Variants in CSTPP1 observed in about 807,000 individuals in gnomAD.
CSTPP1 encodes the protein UPF0705 protein C11orf49.
the CSTPP1 span, chr11:47,160,111 G>A: frequency 5.7e-6 from 1 of 176,128 alleles, no homozygotes; most frequent in Non-Finnish European, 1.2e-5. Context: ...TGACCAGCCT[G>A]GGCAATATAG....
the CSTPP1 span, chr11:47,041,189 C>A: frequency 4.9e-6 from 1 of 203,684 alleles, no homozygotes; most frequent in South Asian, 4.9e-5. Flanking sequence ...TTGTGTCAGG[C>A]CTCACATATC....
chr11:47,061,728 C>T, the CSTPP1 span, among the ~76,000 whole-genome samples: 1 of 152,180 alleles, frequency 6.6e-6, no homozygotes, highest in Non-Finnish European at 1.5e-5. Context: ...AGACAATCAA[C>T]AAGAATTTCA....
chr11:47,106,795 TAACCAAGACTAGG>T, the CSTPP1 span, among the ~76,000 whole-genome samples: 6 of 152,210 alleles, frequency 3.9e-5, no homozygotes, highest in East Asian at 1.2e-3. Flanking sequence ...GCCACCAAGG[TAACCAAGACTAGG>T]AAGCAATTGA....
At chr11:47,134,163 T>C in the CSTPP1 span, among the ~76,000 whole-genome samples, 1 of 152,166 alleles carries the variant, frequency 6.6e-6, no homozygotes, top group Admixed American at 6.5e-5. Context: ...TAAGGTAGTA[T>C]GCTGTGAAGG....
the CSTPP1 span, among the ~76,000 whole-genome samples, chr11:47,061,540 C>T: frequency 1.3e-5 from 2 of 152,206 alleles, no homozygotes; most frequent in Admixed American, 1.3e-4. Flanking sequence ...CGCTTTACTA[C>T]AGGAGTGGGT....
the CSTPP1 span, among the ~76,000 whole-genome samples, chr11:46,993,271 G>A: frequency 6.6e-6 from 1 of 151,362 alleles, no homozygotes; most frequent in Non-Finnish European, 1.5e-5. Context: ...TTTGGCTTTT[G>A]TTGCCATTGC....
the CSTPP1 span, among the ~76,000 whole-genome samples, chr11:47,048,688 GTGT>G: frequency 3.3e-5 from 5 of 152,114 alleles, no homozygotes; most frequent in South Asian, 2.1e-4. Flanking sequence ...GCAGAAGGGG[GTGT>G]TGTTGTTTAA....
At chr11:47,063,470 A>G in the CSTPP1 span, among the ~76,000 whole-genome samples, 1 of 152,162 alleles carries the variant, frequency 6.6e-6, no homozygotes, top group South Asian at 2.1e-4. Context: ...TAGCCATTAA[A>G]CAATGACTCC....
At chr11:47,056,705 A>C in the CSTPP1 span, among the ~76,000 whole-genome samples, 1 of 152,138 alleles carries the variant, frequency 6.6e-6, no homozygotes, top group Non-Finnish European at 1.5e-5. Flanking sequence ...TTTCTAGGAA[A>C]CTCCAGAACA....
chr11:47,054,877 G>A, the CSTPP1 span, among the ~76,000 whole-genome samples: 1 of 151,056 alleles, frequency 6.6e-6, no homozygotes, highest in African/African-American at 2.4e-5. Context: ...GGGCCACTGG[G>A]TAAGAATATT....
the CSTPP1 span, among the ~76,000 whole-genome samples, chr11:47,113,996 C>T: frequency 6.6e-6 from 1 of 152,178 alleles, no homozygotes; most frequent in African/African-American, 2.4e-5. Flanking sequence ...ACATTTAAGT[C>T]TTTAATCCAT....
chr11:46,955,912 C>G, the CSTPP1 span, among the ~76,000 whole-genome samples: 1 of 151,728 alleles, frequency 6.6e-6, no homozygotes, highest in African/African-American at 2.4e-5. Flanking sequence ...TCGCCCGAAC[C>G]CAAGAGGCAG....
chr11:47,038,643 C>A, the CSTPP1 span, among the ~76,000 whole-genome samples: 12 of 119,356 alleles, frequency 1.0e-4, 1 homozygote, highest in South Asian at 1.9e-3. Context: ...GACCCCCCCA[C>A]CTCTCTCCCG....
At chr11:46,985,589 T>C in the CSTPP1 span, among the ~76,000 whole-genome samples, 1 of 152,162 alleles carries the variant, frequency 6.6e-6, no homozygotes, top group African/African-American at 2.4e-5. Flanking sequence ...ACCTCTGTCA[T>C]ACCTAAGGAT....
At chr11:47,007,203 G>C in the CSTPP1 span, among the ~76,000 whole-genome samples, 1 of 151,162 alleles carries the variant, frequency 6.6e-6, no homozygotes, top group South Asian at 2.1e-4. Context: ...TGGCTAATTT[G>C]TGTTTTTAGT....
At chr11:47,111,496 T>C in the CSTPP1 span, among the ~76,000 whole-genome samples, 8 of 152,280 alleles carry the variant, frequency 5.3e-5, no homozygotes, top group South Asian at 1.7e-3. Context: ...GCTCCATTGC[T>C]TTCTCTCTTA....
the CSTPP1 span, among the ~76,000 whole-genome samples, chr11:47,152,535 G>C: frequency 6.7e-6 from 1 of 150,352 alleles, no homozygotes; most frequent in Non-Finnish European, 1.5e-5. Flanking sequence ...GCGAGGCAGG[G>C]GTAGCCCTTT....
At chr11:46,955,995 C>A in the CSTPP1 span, among the ~76,000 whole-genome samples, 2,330 of 149,586 alleles carry the variant, frequency 0.016, 77 homozygotes, top group African/African-American at 0.054. Flanking sequence ...CACCCCCCCC[C>A]CCCCACCAAA....
the CSTPP1 span, among the ~76,000 whole-genome samples, chr11:47,080,430 G>A: frequency 6.6e-6 from 1 of 152,164 alleles, no homozygotes; most frequent in South Asian, 2.1e-4. Flanking sequence ...ACTCCAGCCT[G>A]GGTGACAGAG....
Sources: gnomAD v4.1 joint callset for allele counts (sites outside exome capture counted in the v4.1 genomes callset) on GRCh38, gnomAD v4.1.1 for gene constraint, MANE v1.5 for transcripts, NCBI Gene and HGNC (gene_info 2026-07-23, HGNC 2026-07-21) for gene names.